The following MAGI2 variants were observed in gnomAD, a reference collection of about 807,000 sequenced individuals.
The protein encoded by MAGI2 is membrane-associated guanylate kinase, WW and PDZ domain-containing protein 2.
In MAGI2, 35 loss-of-function variants were observed where a neutral mutation model predicts 133.3. That is an observed-to-expected ratio of 0.26 (90% confidence interval 0.20 to 0.35). MAGI2 has a LOEUF of 0.35. MAGI2 is among the 10% of genes least tolerant of loss of function. MAGI2 has a pLI of 1.00. For missense variants in MAGI2, 1,636 were observed against 1,863.4 expected (o/e 0.88, Z 2.25); for synonymous variants, 729 against 710.6 (o/e 1.03, Z -0.41).
intron 1 of MAGI2, among the ~76,000 whole-genome samples, chr7:79,261,309 T>G (rs1339379211): frequency 6.6e-6 from 1 of 152,222 alleles, no homozygotes; most frequent in African/African-American, 2.4e-5. Context: ...GGGTTTCCCC[T>G]GGGCTACAAC....
Position 78,706,302 on chromosome 7 carries a change from G to A in MAGI2, c.419-79063C>T, listed in dbSNP as rs547980678. Among the ~76,000 whole-genome samples, 5 of 151,944 alleles carry A rather than the reference G, an allele frequency of 3.3e-5. No individual in the cohort carries two copies. The South Asian group carries it at 1.0e-3, about 32-fold the overall frequency. ...CATGAGATCCGAAAAGTTTATCAGGGGTTTCTGTTTTTGCTTCTTCCTCAT... is the reference window on the plus strand; with the variant it reads ...CATGAGATCCGAAAAGTTTATCAGGAGTTTCTGTTTTTGCTTCTTCCTCAT... On this transcript the variant is annotated intron_variant, in intron 2 of 21. Transcript: ENST00000354212.
chr7:78,831,430 C>A (rs551188445), intron 2 of MAGI2, among the ~76,000 whole-genome samples: 2 of 149,918 alleles, frequency 1.3e-5, no homozygotes, highest in East Asian at 2.0e-4. Context: ...GAGACAAATT[C>A]TCTCTCTGTC....
At chr7:78,536,474 A>G (rs1412510679) in intron 3 of MAGI2, among the ~76,000 whole-genome samples, 1 of 152,122 alleles carries the variant, frequency 6.6e-6, no homozygotes, top group Admixed American at 6.5e-5. Flanking sequence ...AGCCCCGGGC[A>G]AGGAGAACCT....
At chr7:78,036,948 G>A (rs756289722) in intron 21 of MAGI2, among the ~76,000 whole-genome samples, 45 of 152,144 alleles carry the variant, frequency 3.0e-4, no homozygotes, top group Non-Finnish European at 5.3e-4. Context: ...CTCCTGTAAG[G>A]AGAGAAAAGG....
chr7:78,765,891 G>C (rs1247295354), intron 2 of MAGI2, among the ~76,000 whole-genome samples: 1 of 152,136 alleles, frequency 6.6e-6, no homozygotes, highest in Non-Finnish European at 1.5e-5. Context: ...CAATTAAATG[G>C]CTGAGCAAGC....
intron 3 of MAGI2, among the ~76,000 whole-genome samples, chr7:78,589,137 C>T (rs527325862): frequency 6.6e-6 from 1 of 152,232 alleles, no homozygotes; most frequent in South Asian, 2.1e-4. Context: ...TACGGTCTGG[C>T]CATAAATGTT....
chr7:78,628,574 T>C (rs928368827), intron 2 of MAGI2, among the ~76,000 whole-genome samples: 4 of 151,956 alleles, frequency 2.6e-5, no homozygotes, highest in Non-Finnish European at 4.4e-5. Context: ...ATAATTCCTA[T>C]TGAAAACATT....
intron 9 of MAGI2, among the ~76,000 whole-genome samples, chr7:78,271,140 C>T (rs1794532171): frequency 6.6e-6 from 1 of 152,026 alleles, no homozygotes; most frequent in Admixed American, 6.6e-5. Context: ...GAGATATGTT[C>T]CATCAATACC....
Position 79,327,404 on chromosome 7 carries a change from G to A in MAGI2, c.301+125616C>T, listed in dbSNP as rs149496699. Reference sequence around the variant, plus strand: ...TGAAGTGCCCCTGAGACGAGATAGCGAGATTGCTCAGGACACACAGGTTCC... The same window carrying A: ...TGAAGTGCCCCTGAGACGAGATAGCAAGATTGCTCAGGACACACAGGTTCC... On this transcript the variant is annotated intron_variant, in intron 1 of 21. Coordinates refer to ENST00000354212, the MANE Select transcript of MAGI2 (RefSeq NM_012301.4). Among the ~76,000 whole-genome samples the A allele has an allele frequency of 1.1e-4, 17 of 152,240 alleles. No individual in the cohort carries two copies. In the East Asian group the frequency reaches 2.3e-3, roughly 21 times the overall value.
intron 3 of MAGI2, among the ~76,000 whole-genome samples, chr7:78,595,176 A>G (rs1804467584): frequency 6.6e-6 from 1 of 152,080 alleles, no homozygotes. Context: ...ATGTTTTGCT[A>G]TTTCACTTGC....
At chr7:78,140,396 G>A (rs560453281) in intron 16 of MAGI2, among the ~76,000 whole-genome samples, 95 of 152,302 alleles carry the variant, frequency 6.2e-4, no homozygotes, top group African/African-American at 1.7e-3. Context: ...CCCACAAAGT[G>A]GAGTTATATG....
At chr7:79,419,228 G>C (rs1017704136) in intron 1 of MAGI2, among the ~76,000 whole-genome samples, 1 of 151,936 alleles carries the variant, frequency 6.6e-6, no homozygotes, top group Non-Finnish European at 1.5e-5. Flanking sequence ...GGAGGAAAAT[G>C]AATACTGAGA....
At chr7:79,309,979 A>AAAAAG (rs556576123) in intron 1 of MAGI2, among the ~76,000 whole-genome samples, 23,024 of 140,834 alleles carry the variant, frequency 0.16, 2,294 homozygotes, top group East Asian at 0.2. Context: ...AAAAAAAAAA[A>AAAAAG]AAAAGAAAAG....
At chr7:79,387,406 C>T (rs1844268540) in intron 1 of MAGI2, among the ~76,000 whole-genome samples, 1 of 152,056 alleles carries the variant, frequency 6.6e-6, no homozygotes. Flanking sequence ...CTCTGTATTG[C>T]AACTTGTTAC....
chr7:79,344,615 G>A (rs1841170701), intron 1 of MAGI2, among the ~76,000 whole-genome samples: 1 of 152,166 alleles, frequency 6.6e-6, no homozygotes. Context: ...AGAAGACAGT[G>A]AGTACCTAAA....
At chr7:79,307,124 A>T (rs1418784821) in intron 1 of MAGI2, among the ~76,000 whole-genome samples, 1 of 152,166 alleles carries the variant, frequency 6.6e-6, no homozygotes, top group Admixed American at 6.5e-5. Flanking sequence ...AGTGGTAGGG[A>T]ACTTACAATC....
intron 2 of MAGI2, among the ~76,000 whole-genome samples, chr7:78,694,932 TAA>T (rs1055980055): frequency 6.6e-6 from 1 of 152,164 alleles, no homozygotes; most frequent in African/African-American, 2.4e-5. Context: ...GGTTTCCTTA[TAA>T]AGTCTCCTGG....
At chr7:79,010,182 A>C (rs1807913306) in intron 1 of MAGI2, among the ~76,000 whole-genome samples, 1 of 152,076 alleles carries the variant, frequency 6.6e-6, no homozygotes, top group Non-Finnish European at 1.5e-5. Flanking sequence ...ATGCATGTAT[A>C]TGTACAGTAT....
chr7:78,373,858 TC>T (rs1794179602), intron 6 of MAGI2, among the ~76,000 whole-genome samples: 6 of 152,172 alleles, frequency 3.9e-5, no homozygotes, highest in Non-Finnish European at 8.8e-5. Context: ...TATTTGATTT[TC>T]TCTTCCTGCA....
Sources: allele counts gnomAD v4.1 joint callset (sites outside exome capture counted in the v4.1 genomes callset), GRCh38; gene constraint gnomAD v4.1.1; transcripts MANE v1.5; gene names NCBI Gene and HGNC (gene_info 2026-07-23, HGNC 2026-07-21).